Variants in LRMDA observed in about 807,000 individuals in gnomAD.
LRMDA encodes leucine rich melanocyte differentiation associated.
Under a neutral mutation model 29.8 loss-of-function variants are expected in LRMDA, and 18 were observed. The ratio of observed to expected loss-of-function variants is 0.60; its 90% CI spans 0.42 to 0.90. LRMDA has a LOEUF of 0.90. LRMDA is among the 40% of genes least tolerant of loss of function. LRMDA has a pLI of 0.00. For synonymous variants in LRMDA, 125 were observed against 109.4 expected (o/e 1.14, Z -0.89); for missense variants, 273 against 273.9 (o/e 1.00, Z 0.02).
chr10:75,879,542 G>T (rs1047301799), intron 2 of LRMDA, among the ~76,000 whole-genome samples: 4 of 152,154 alleles, frequency 2.6e-5, no homozygotes, highest in African/African-American at 9.7e-5. Flanking sequence ...TTGTTGTTGC[G>T]CTGATGTATA....
chr10:75,887,549 T>G (rs546961846), intron 2 of LRMDA, among the ~76,000 whole-genome samples: 1 of 152,332 alleles, frequency 6.6e-6, no homozygotes, highest in South Asian at 2.1e-4. Flanking sequence ...GCTACCTTTT[T>G]TTTTTGTAAA....
intron 6 of LRMDA, among the ~76,000 whole-genome samples, chr10:76,543,033 T>C (rs147629823): frequency 8.5e-4 from 130 of 152,244 alleles, no homozygotes; most frequent in African/African-American, 3.0e-3. Context: ...GGGTGTGTGC[T>C]TAAGGCTCAC....
At chr10:76,402,733 C>A (rs945943079) in intron 6 of LRMDA, among the ~76,000 whole-genome samples, 1 of 152,134 alleles carries the variant, frequency 6.6e-6, no homozygotes, top group Non-Finnish European at 1.5e-5. Context: ...GGTCTGTAGT[C>A]CAGTATTTTC....
At chr10:76,458,712 A>G (rs1437005771) in intron 6 of LRMDA, among the ~76,000 whole-genome samples, 1 of 152,162 alleles carries the variant, frequency 6.6e-6, no homozygotes, top group Non-Finnish European at 1.5e-5. Flanking sequence ...TCATGTGGGA[A>G]GCCCAGCTTC....
chr10:75,743,264 C>A (rs1288580789), intron 2 of LRMDA, among the ~76,000 whole-genome samples: 2 of 152,152 alleles, frequency 1.3e-5, no homozygotes, highest in Non-Finnish European at 2.9e-5. Flanking sequence ...CTCAGTTAAT[C>A]CGAATTACTG....
At chr10:76,023,147 T>C (rs1157762878) in intron 2 of LRMDA, among the ~76,000 whole-genome samples, 1 of 152,080 alleles carries the variant, frequency 6.6e-6, no homozygotes, top group Admixed American at 6.5e-5. Context: ...CATCTCAAGA[T>C]CCATCCATTA....
At chr10:75,583,268 T>C (rs938006379) in intron 2 of LRMDA, among the ~76,000 whole-genome samples, 1 of 152,152 alleles carries the variant, frequency 6.6e-6, no homozygotes, top group Non-Finnish European at 1.5e-5. Context: ...TATAAAGAAA[T>C]ACCTGAGACT....
chr10:75,635,684 G>A (rs772322735), intron 2 of LRMDA, among the ~76,000 whole-genome samples: 1 of 152,058 alleles, frequency 6.6e-6, no homozygotes, highest in African/African-American at 2.4e-5. Context: ...AAAATTGGTC[G>A]TTATTGACAT....
chr10:75,906,811 A>G (rs1003760351), intron 2 of LRMDA, among the ~76,000 whole-genome samples: 1 of 152,260 alleles, frequency 6.6e-6, no homozygotes, highest in African/African-American at 2.4e-5. Flanking sequence ...TCTTTGAAAC[A>G]CAAGATGCTT....
chr10:75,899,845 G>A (rs377731493), intron 2 of LRMDA, among the ~76,000 whole-genome samples: 17 of 152,182 alleles, frequency 1.1e-4, no homozygotes, highest in African/African-American at 3.9e-4. Context: ...TCCCTTGCAG[G>A]AATGTTCTTG....
chr10:76,482,946 T>C (rs1216687987), intron 6 of LRMDA, among the ~76,000 whole-genome samples: 1 of 151,986 alleles, frequency 6.6e-6, no homozygotes, highest in Non-Finnish European at 1.5e-5. Context: ...AAGTGGTAGC[T>C]CATCATATAG....
chr10:75,850,394 C>T (rs1167294970), intron 2 of LRMDA, among the ~76,000 whole-genome samples: 1 of 152,188 alleles, frequency 6.6e-6, no homozygotes, highest in African/African-American at 2.4e-5. Context: ...GGTGCCCCAA[C>T]AAGCTGTCAA....
At chr10:75,728,642 C>T (rs548836760) in intron 2 of LRMDA, among the ~76,000 whole-genome samples, 45 of 152,138 alleles carry the variant, frequency 3.0e-4, no homozygotes, top group Non-Finnish European at 2.5e-4. Context: ...TCAGAAGAGA[C>T]GGAGCACTGG....
chr10:75,535,189 A>AT lies in LRMDA; in HGVS notation c.131+96704dup, dbSNP rs896733396. ...GCTTTCTTTAGCCTGTTTTTCAGGG[A>AT]TTTTTTTTTCCATATCAGGATTGCA... On this transcript the variant is annotated intron_variant, in intron 2 of 6. Transcript: ENST00000611255. Among the ~76,000 whole-genome samples, 88 of 151,204 alleles carry AT rather than the reference A, an allele frequency of 5.8e-4. 1 individual carries two copies. In the South Asian group the frequency reaches 0.013, roughly 23 times the overall value.
At chr10:75,899,733 G>A (rs780284460) in intron 2 of LRMDA, among the ~76,000 whole-genome samples, 3 of 152,158 alleles carry the variant, frequency 2.0e-5, no homozygotes, top group African/African-American at 4.8e-5. Flanking sequence ...TACAGGATTC[G>A]CCTAAATCTG....
chr10:75,469,717 A>G (rs1166867032), intron 2 of LRMDA, among the ~76,000 whole-genome samples: 1 of 152,200 alleles, frequency 6.6e-6, no homozygotes, highest in Non-Finnish European at 1.5e-5. Context: ...GAACAATGCT[A>G]GACTTTTGCA....
At chr10:75,685,715 A>G (rs1422394750) in intron 2 of LRMDA, among the ~76,000 whole-genome samples, 1 of 152,238 alleles carries the variant, frequency 6.6e-6, no homozygotes, top group Non-Finnish European at 1.5e-5. Context: ...TATGTACAAT[A>G]TATTTGCAGT....
intron 2 of LRMDA, among the ~76,000 whole-genome samples, chr10:75,933,170 C>A (rs760090774): frequency 3.3e-5 from 5 of 152,100 alleles, no homozygotes; most frequent in African/African-American, 1.2e-4. Flanking sequence ...TCTGAGCTGT[C>A]ACCATCCTGA....
Position 75,540,178 on chromosome 10 carries a change from G to T in LRMDA, c.131+101684G>T, listed in dbSNP as rs375719988. 7.2e-5 allele frequency among the ~76,000 whole-genome samples: 11 copies of T among 152,272 alleles called. No individual in the cohort carries two copies. In the East Asian group the frequency reaches 7.7e-4, roughly 11 times the overall value. ...AAGTGGGTGTGGGAGCGTATTTTAG[G>T]TAGAGATGTCAGGGAGGGCTGCTCT... On this transcript the variant is annotated intron_variant, in intron 2 of 6. Coordinates refer to ENST00000611255, the MANE Select transcript of LRMDA (RefSeq NM_001305581.2).
Sources: gnomAD v4.1 joint callset for allele counts (sites outside exome capture counted in the v4.1 genomes callset) on GRCh38, gnomAD v4.1.1 for gene constraint, MANE v1.5 for transcripts, NCBI Gene and HGNC (gene_info 2026-07-23, HGNC 2026-07-21) for gene names.